ZNF91: variants seen among roughly 807,000 people sequenced by gnomAD.
ZNF91 encodes zinc finger protein 91 (HPF7, HTF10).
Under a neutral mutation model 12.6 loss-of-function variants are expected in ZNF91, and 7 were observed. That is an observed-to-expected ratio of 0.55 (90% CI 0.31 to 1.04). The LOEUF (loss-of-function observed/expected upper bound fraction) is 1.04, where lower values mean the gene tolerates loss of function less well. ZNF91 is among the 50% of genes least tolerant of loss of function. The probability of loss-of-function intolerance (pLI) is 0.05; values close to 1 mark genes in which losing one functional copy is unlikely to be tolerated. For missense variants in ZNF91, 1,217 were observed against 1,385.4 expected (o/e 0.88, Z 1.93); for synonymous variants, 453 against 462.6 (o/e 0.98, Z 0.27).
intron 1 of ZNF91, chr19:23,385,140 G>A: frequency 1.4e-6 from 1 of 736,078 alleles, no homozygotes; most frequent in Non-Finnish European, 2.4e-6. Context: ...CCGAAGACAT[G>A]TTTCACCATC....
rs752477780 is a variant in ZNF91 at position 23,361,066 on chromosome 19, G to T, written c.1913C>A (p.Ala638Asp). ...AGCAAGGGCTGAAGAATGGCTAAAA[G>T]CTTTGCCACATTCTTCACATTTGTA... ...KPYKCEECGK[A>D]FSHSSALAKH... Residue 638 changes from alanine to aspartate, a missense_variant, in exon 4 of 4, where the codon GCT (alanine) becomes GAT (aspartate). Ala to Asp is a moderately radical substitution (Grantham distance 126, BLOSUM62 -2). Transcript: ENST00000300619. 1.7e-5 allele frequency: 28 copies of T among 1,607,182 alleles called. No individual in the cohort carries two copies. Among genetic ancestry groups the T allele is most frequent in the Non-Finnish European group, 2.4e-5 (28 of 1,174,494 alleles).
rs771087352 is a variant in ZNF91 at position 23,361,909 on chromosome 19, T to C, written c.1070A>G (p.Lys357Arg). 7 of 1,613,632 alleles carry C rather than the reference T, an allele frequency of 4.3e-6. No homozygotes were observed. Among genetic ancestry groups the C allele is most frequent in the Non-Finnish European group, 5.9e-6 (7 of 1,179,690 alleles). ...EKPYKCKECG[K>R]AFSNSSTLAN... is the part of the protein sequence containing the mutation. Reference sequence around the variant, plus strand: ...AAGGGTTGAGGAATTGCTAAAAGCTTTGCCACATTCTTTACATTTGTAGGG... The same window carrying C: ...AAGGGTTGAGGAATTGCTAAAAGCTCTGCCACATTCTTTACATTTGTAGGG... Residue 357 changes from lysine to arginine, a missense_variant, in exon 4 of 4, where the codon AAA (lysine) becomes AGA (arginine). Lys to Arg is a conservative substitution (Grantham distance 26). This residue lies in a region of ZNF91 where 726 missense variants were observed against 895.5 expected (regional missense o/e 0.81). Coordinates refer to ENST00000300619, the MANE Select transcript of ZNF91 (RefSeq NM_003430.4).
chr19:23,309,249 C>T (rs1967436427), intron 1 of ZNF91, among the ~76,000 whole-genome samples: 1 of 152,182 alleles, frequency 6.6e-6, no homozygotes, highest in Non-Finnish European at 1.5e-5. Context: ...AGACTCCTGC[C>T]TGGGCGATGA....
chr19:23,328,583 A>G (rs1451431344), intron 1 of ZNF91: 1 of 152,204 alleles, frequency 6.6e-6, no homozygotes, highest in Non-Finnish European at 1.5e-5. Context: ...CTGTTGGGCC[A>G]AAAAGTAGTA....
rs533483226 is a variant in ZNF91, at chr19:23,378,128, G to T, written c.31-3364C>A. On this transcript the variant is annotated intron_variant, in intron 1 of 3. Coordinates refer to ENST00000300619, the MANE Select transcript of ZNF91 (RefSeq NM_003430.4). The stretch of plus-strand genomic sequence containing the variant: ...GGAACAGAAAACAAGTTGCTAAATG[G>T]AATGTCTCTGTAAACACTGGTTTTA... 5.0e-4 allele frequency among the ~76,000 whole-genome samples: 76 copies of T among 152,294 alleles called. No homozygotes were observed. In the South Asian group the frequency reaches 0.012, roughly 23 times the overall value.
chr19:23,352,971 A>G (rs1243945188), downstream of ZNF91, among the ~76,000 whole-genome samples: 13 of 152,264 alleles, frequency 8.5e-5, no homozygotes, highest in Admixed American at 8.5e-4. Context: ...AGTTACTAAT[A>G]GACCTAAGAA....
intron 1 of ZNF91, among the ~76,000 whole-genome samples, chr19:23,316,459 G>A (rs1161489758): frequency 6.6e-6 from 1 of 152,158 alleles, no homozygotes; most frequent in African/African-American, 2.4e-5. Flanking sequence ...ACTGAGGTGA[G>A]GTGACTCTGC....
Position 23,362,484 on chromosome 19 carries a change from T to A in ZNF91, c.495A>T (p.Lys165Asn). Reference sequence around the variant, plus strand: ...TCGTATGTCTGTTTGAATTTAAAAATTTATAGAAGACTTTCAAATATTTCC... The same window carrying A: ...TCGTATGTCTGTTTGAATTTAAAAAATTATAGAAGACTTTCAAATATTTCC... ...QCGKYLKVFY[K>N]FLNSNRHTIR... Residue 165 changes from lysine to asparagine, a missense_variant, in exon 4 of 4, where the codon AAA (lysine) becomes AAT (asparagine). By Grantham distance (94) the Lys-to-Asn change is moderately conservative. Coordinates refer to ENST00000300619, the MANE Select transcript of ZNF91 (RefSeq NM_003430.4). 6.2e-7 allele frequency: 1 copy of A among 1,603,896 alleles called. No homozygotes were observed. Among genetic ancestry groups the A allele is most frequent in the Non-Finnish European group, 8.5e-7 (1 of 1,176,592 alleles).
intron 3 of ZNF91, among the ~76,000 whole-genome samples, chr19:23,369,916 C>T (rs1285920470): frequency 6.7e-6 from 1 of 149,760 alleles, no homozygotes; most frequent in Admixed American, 6.7e-5. Context: ...CCTTTGTTCA[C>T]TTGTTTATCT....
chr19:23,359,560 C>T lies in ZNF91; in HGVS notation c.3419G>A (p.Gly1140Asp). 2 of 1,614,006 alleles carry T rather than the reference C, an allele frequency of 1.2e-6. No individual in the cohort carries two copies. Among genetic ancestry groups the T allele is most frequent in the East Asian group, 2.2e-5 (1 of 44,888 alleles). Residue 1140 changes from glycine to aspartate, a missense_variant, in exon 4 of 4, where the codon GGC (glycine) becomes GAC (aspartate). By Grantham distance (94) the Gly-to-Asp change is moderately conservative. Coordinates refer to ENST00000300619, the MANE Select transcript of ZNF91 (RefSeq NM_003430.4). ...GATTGAAGACTGGTTAAAGGCTTTG[C>T]CACATTTTTCACATTTGTAGGGTTT... ...GEKPYKCEKCGKAFNQSSILT... is the reference protein window; with the variant it reads ...GEKPYKCEKCDKAFNQSSILT...
At chr19:23,375,638 G>A (rs1320257105) in intron 1 of ZNF91, among the ~76,000 whole-genome samples, 1 of 151,288 alleles carries the variant, frequency 6.6e-6, no homozygotes, top group Admixed American at 6.6e-5. Flanking sequence ...AACAGCCTGT[G>A]TTTTTTTCAG....
chr19:23,307,710 T>A (rs1325775215), intron 2 of ZNF91: 1 of 152,284 alleles, frequency 6.6e-6, no homozygotes. Context: ...CAGGGGGTAC[T>A]GTGAGATATC....
chr19:23,394,781 T>C (rs1195746197), intron 1 of ZNF91, among the ~76,000 whole-genome samples: 1 of 152,164 alleles, frequency 6.6e-6, no homozygotes, highest in Non-Finnish European at 1.5e-5. Context: ...ATTACTGAAT[T>C]TGGTTTTCTT....
chr19:23,334,934 G>A (rs562551350), downstream of ZNF91, among the ~76,000 whole-genome samples: 77 of 152,174 alleles, frequency 5.1e-4, no homozygotes, highest in South Asian at 0.012. Context: ...ATAATGAGAC[G>A]CCAGTTTTTC....
At position 23,360,360 on chromosome 19, in the gene ZNF91, C is replaced by A. The variant is rs1968682837; in HGVS notation, c.2619G>T (p.Lys873Asn). Residue 873 changes from lysine to asparagine, a missense_variant, in exon 4 of 4, where the codon AAG (lysine) becomes AAT (asparagine). Around this residue, in one of 2 missense-constraint regions of ZNF91, gnomAD observed 491 missense variants for 489.8 expected, o/e 1.00. Transcript: ENST00000300619. ...AAGGTTTCTCTTTAGTATGAATTATCTTATGTGTCGTAAGATTTGAAGATT... is the reference window on the plus strand; with the variant it reads ...AAGGTTTCTCTTTAGTATGAATTATATTATGTGTCGTAAGATTTGAAGATT... The part of the protein sequence containing the change: ...FNQSSNLTTH[K>N]IIHTKEKPSK... The A allele has an allele frequency of 6.2e-7, 1 of 1,613,902 alleles. No individual in the cohort carries two copies. The highest frequency in any genetic ancestry group is 1.3e-5 in the African/African-American group (1 of 74,896).
At chr19:23,392,086 T>C (rs1970083247) in intron 1 of ZNF91, among the ~76,000 whole-genome samples, 1 of 152,036 alleles carries the variant, frequency 6.6e-6, no homozygotes, top group South Asian at 2.1e-4. Context: ...ATTATTTGTA[T>C]CAAAAATCAC....
chr19:23,313,648 C>T (rs1401888839), upstream of ZNF91, among the ~76,000 whole-genome samples: 9 of 152,286 alleles, frequency 5.9e-5, no homozygotes, highest in East Asian at 1.5e-3. Context: ...CTCTTATGCA[C>T]ACAAAACTCA....
chr19:23,371,424 G>A (rs749161517), intron 3 of ZNF91, among the ~76,000 whole-genome samples: 1 of 151,896 alleles, frequency 6.6e-6, no homozygotes, highest in Non-Finnish European at 1.5e-5. Context: ...GGTCATATTT[G>A]TAGACATAAA....
chr19:23,338,413 C>T (rs944696196), downstream of ZNF91: 1 of 151,138 alleles, frequency 6.6e-6, no homozygotes. Context: ...TTATATCAAG[C>T]TAGAATAACC....
Sources: allele counts gnomAD v4.1 joint callset (sites outside exome capture counted in the v4.1 genomes callset), GRCh38; gene constraint gnomAD v4.1.1; regional missense constraint gnomAD v4.1.1; transcripts MANE v1.5; gene names NCBI Gene and HGNC (gene_info 2026-07-23, HGNC 2026-07-21).